The following STK31 variants were observed in gnomAD, a reference collection of about 807,000 sequenced individuals.
STK31 encodes serine/threonine-protein kinase 31.
STK31 carries 89 observed loss-of-function variants against 129.7 expected under a neutral mutation model. The observed-to-expected ratio is 0.69, with a 90% confidence interval of 0.58 to 0.82. STK31 has a LOEUF of 0.82. STK31 is among the 40% of genes least tolerant of loss of function. The probability of loss-of-function intolerance (pLI) is 0.00; values close to 1 mark genes in which losing one functional copy is unlikely to be tolerated. For synonymous variants in STK31, 448 were observed against 395.3 expected (o/e 1.13, Z -1.58); for missense variants, 1,187 against 1,176.4 (o/e 1.01, Z -0.13).
At chr7:23,790,996 T>A in intron 22 of STK31, 50 bp downstream of exon 22, 1 of 1,294,434 alleles carries the variant, frequency 7.7e-7, no homozygotes, top group East Asian at 2.9e-5. Flanking sequence ...TATTTCAGTA[T>A]ATAAAGTGAT....
chr7:23,742,718 T>A (rs1788121967), intron 8 of STK31, among the ~76,000 whole-genome samples: 1 of 152,174 alleles, frequency 6.6e-6, no homozygotes, highest in Non-Finnish European at 1.5e-5. Context: ...TCTGGGGCTT[T>A]CTCTCTCTTC....
chr7:23,717,925 T>G (rs1786449648), intron 4 of STK31, among the ~76,000 whole-genome samples: 1 of 152,062 alleles, frequency 6.6e-6, no homozygotes, highest in South Asian at 2.1e-4. Flanking sequence ...TATCAGGGAC[T>G]GGGGGAAGAT....
intron 8 of STK31, among the ~76,000 whole-genome samples, chr7:23,741,465 T>C (rs1156788691): frequency 6.6e-6 from 1 of 152,196 alleles, no homozygotes. Flanking sequence ...TTTTGACGTA[T>C]GTATACTCTC....
chr7:23,739,447 T>C (rs1256297892), intron 8 of STK31, among the ~76,000 whole-genome samples: 1 of 152,256 alleles, frequency 6.6e-6, no homozygotes, highest in African/African-American at 2.4e-5. Flanking sequence ...GATGGTAGTT[T>C]CTTTTGCTGT....
At chr7:23,728,578 T>A in intron 5 of STK31, among the ~76,000 whole-genome samples, 1 of 152,188 alleles carries the variant, frequency 6.6e-6, no homozygotes, top group Non-Finnish European at 1.5e-5. Context: ...TTGTAATAAC[T>A]ATTTTTCTTT....
intron 11 of STK31, among the ~76,000 whole-genome samples, chr7:23,763,564 T>A (rs1789612722): frequency 6.6e-6 from 1 of 152,214 alleles, no homozygotes; most frequent in Admixed American, 6.5e-5. Flanking sequence ...TTTCTTCATT[T>A]AACTTTTATT....
At chr7:23,747,454 C>T (rs541479034) in intron 8 of STK31, among the ~76,000 whole-genome samples, 1 of 152,224 alleles carries the variant, frequency 6.6e-6, no homozygotes, top group South Asian at 2.1e-4. Flanking sequence ...ACTGCAAGCC[C>T]CACCTCCTGG....
chr7:23,769,542 C>T, intron 12 of STK31, 98 bp from the exon 13 acceptor site: 2 of 798,240 alleles, frequency 2.5e-6, no homozygotes, highest in Middle Eastern at 2.5e-4. Context: ...TTTTACATTG[C>T]CCAGGGTATA....
intron 9 of STK31, among the ~76,000 whole-genome samples, chr7:23,753,244 C>T (rs1006948847): frequency 6.6e-6 from 1 of 152,190 alleles, no homozygotes; most frequent in Non-Finnish European, 1.5e-5. Context: ...GCCCCACTGT[C>T]TGTGTGGAGT....
intron 8 of STK31, among the ~76,000 whole-genome samples, chr7:23,750,864 C>T (rs1049017179): frequency 6.6e-6 from 1 of 152,168 alleles, no homozygotes; most frequent in South Asian, 2.1e-4. Context: ...AAGGATTTAT[C>T]ATTTCTGTGT....
intron 3 of STK31, among the ~76,000 whole-genome samples, chr7:23,713,211 G>A (rs1433310571): frequency 6.6e-6 from 1 of 152,126 alleles, no homozygotes; most frequent in East Asian, 1.9e-4. Flanking sequence ...TCATGTTACT[G>A]TACTGAATGC....
At chr7:23,823,743 A>G (rs1793933228) in intron 23 of STK31, among the ~76,000 whole-genome samples, 6 of 152,224 alleles carry the variant, frequency 3.9e-5, no homozygotes, top group Admixed American at 3.9e-4. Flanking sequence ...CTAACATGTA[A>G]GTCTTTAATC....
intron 3 of STK31, among the ~76,000 whole-genome samples, chr7:23,715,506 C>T (rs914412461): frequency 2.6e-5 from 4 of 150,944 alleles, no homozygotes; most frequent in African/African-American, 7.3e-5. Context: ...GTGTTCCCAG[C>T]TATGTGGGAG....
chr7:23,806,921 A>AG (rs1406027598), intron 22 of STK31, among the ~76,000 whole-genome samples: 2 of 150,970 alleles, frequency 1.3e-5, no homozygotes, highest in South Asian at 2.1e-4. Context: ...AAAAAAAAAA[A>AG]AGAGAGATAC....
intron 6 of STK31, among the ~76,000 whole-genome samples, chr7:23,730,878 A>ATATATATATATATATATATATATATTT: frequency 3.4e-4 from 20 of 59,522 alleles, no homozygotes; most frequent in African/African-American, 6.3e-4. Flanking sequence ...ATATATATAT[A>ATATATATATATATATATATATATATTT]TTTTTTTTTT....
At chr7:23,787,059 T>C in intron 20 of STK31, 135 bp downstream of exon 20, 1 of 779,592 alleles carries the variant, frequency 1.3e-6, no homozygotes, top group South Asian at 1.7e-5. Context: ...ACCTCAAGCC[T>C]GTGATAGAAG....
chr7:23,776,492 C>T (rs796455959), intron 15 of STK31, among the ~76,000 whole-genome samples: 96 of 152,216 alleles, frequency 6.3e-4, no homozygotes, highest in African/African-American at 2.2e-3. Context: ...CTATTAATAA[C>T]TGCCTCAATT....
chr7:23,824,245 C>T (rs926774296), intron 23 of STK31, among the ~76,000 whole-genome samples: 6 of 152,162 alleles, frequency 3.9e-5, no homozygotes, highest in Non-Finnish European at 7.4e-5. Context: ...GAATGTTCTT[C>T]CATTTCTTTG....
chr7:23,807,145 C>G lies in STK31; in HGVS notation c.2761-7999C>G, dbSNP rs142573779. On this transcript the variant is annotated intron_variant, in intron 22 of 23. Coordinates refer to ENST00000355870, the MANE Select transcript of STK31 (RefSeq NM_031414.5). ...TAGTCTATTTACCCATATTTTTATT[C>G]TTATTCTTTTTAAAATTTCTAATGT... 6.9e-4 allele frequency among the ~76,000 whole-genome samples: 105 copies of G among 152,052 alleles called. 1 individual carries two copies. Among genetic ancestry groups the G allele is most frequent in the African/African-American group, 2.1e-3 (86 of 41,518 alleles).
Sources: gnomAD v4.1 joint callset for allele counts (sites outside exome capture counted in the v4.1 genomes callset) on GRCh38, gnomAD v4.1.1 for gene constraint, MANE v1.5 for transcripts, NCBI Gene and HGNC (gene_info 2026-07-23, HGNC 2026-07-21) for gene names.